EIF4G3: variants seen among roughly 807,000 people sequenced by gnomAD.
EIF4G3 encodes the protein eukaryotic translation initiation factor 4 gamma 3.
Under a neutral mutation model 186.4 loss-of-function variants are expected in EIF4G3, and 34 were observed. The ratio of observed to expected loss-of-function variants is 0.18; its 90% CI spans 0.14 to 0.24. The LOEUF (loss-of-function observed/expected upper bound fraction) is 0.24. Among genes scored for constraint, EIF4G3 ranks in the 10% least tolerant of loss-of-function variants. EIF4G3 has a pLI of 1.00. For missense variants in EIF4G3, 1,536 were observed against 1,948.5 expected, an observed-to-expected ratio of 0.79 and a Z score of 3.99; for synonymous variants, 673 against 679.5, an observed-to-expected ratio of 0.99 and a Z score of 0.15.
intron 14 of EIF4G3, among the ~76,000 whole-genome samples, chr1:20,916,986 T>C (rs1026789677): frequency 1.3e-5 from 2 of 152,196 alleles, no homozygotes; most frequent in Non-Finnish European, 2.9e-5. Context: ...ATTTCATCTA[T>C]ACATATTCAC....
intron 12 of EIF4G3, among the ~76,000 whole-genome samples, chr1:20,950,313 G>A (rs2096151541): frequency 6.6e-6 from 1 of 152,064 alleles, no homozygotes; most frequent in Admixed American, 6.5e-5. Context: ...AGAGGCAGCA[G>A]AAAAAGAGGA....
chr1:20,918,656 C>T (rs1172843858), intron 14 of EIF4G3, among the ~76,000 whole-genome samples: 1 of 145,914 alleles, frequency 6.9e-6, no homozygotes, highest in East Asian at 2.0e-4. Context: ...TACGTTTTTG[C>T]TATTTTTCTT....
chr1:21,070,315 A>G (rs542778009), intron 3 of EIF4G3, among the ~76,000 whole-genome samples: 1 of 152,326 alleles, frequency 6.6e-6, no homozygotes, highest in South Asian at 2.1e-4. Context: ...AAGAAAAAGT[A>G]GTGCCCTCTT....
At chr1:21,030,271 A>G (rs1369428311) in intron 4 of EIF4G3, among the ~76,000 whole-genome samples, 1 of 152,222 alleles carries the variant, frequency 6.6e-6, no homozygotes, top group African/African-American at 2.4e-5. Context: ...GTAAGCTCCC[A>G]TAATTCCCAT....
At chr1:21,072,583 T>C (rs2095476660) in intron 3 of EIF4G3, among the ~76,000 whole-genome samples, 1 of 151,992 alleles carries the variant, frequency 6.6e-6, no homozygotes. Context: ...GTTTGTATTT[T>C]AGTAGAGACG....
At chr1:20,911,843 T>C (rs969375994) in intron 14 of EIF4G3, among the ~76,000 whole-genome samples, 10 of 152,050 alleles carry the variant, frequency 6.6e-5, no homozygotes, top group Admixed American at 6.6e-4. Flanking sequence ...TTCTTAGATC[T>C]TTAGCTAAAG....
At chr1:21,131,623 G>T (rs2097156469) in intron 2 of EIF4G3, among the ~76,000 whole-genome samples, 1 of 152,112 alleles carries the variant, frequency 6.6e-6, no homozygotes, top group African/African-American at 2.4e-5. Context: ...AAGTAAACAG[G>T]TAAGAATTAC....
intron 25 of EIF4G3, among the ~76,000 whole-genome samples, chr1:20,857,141 C>CT (rs2075158024): frequency 1.0e-5 from 1 of 98,976 alleles, no homozygotes; most frequent in Admixed American, 1.7e-4. Flanking sequence ...CCAGCCTGGG[C>CT]GACAGAGTGA....
chr1:20,817,575 T>C, intron 33 of EIF4G3, 37 bp from the exon 34 acceptor site: 1 of 1,356,490 alleles, frequency 7.4e-7, no homozygotes, highest in South Asian at 1.7e-5. Context: ...AATATATTAA[T>C]ATAATTCTAT....
At chr1:20,973,832 C>T (rs939791382) in intron 10 of EIF4G3, among the ~76,000 whole-genome samples, 4 of 152,116 alleles carry the variant, frequency 2.6e-5, no homozygotes, top group Admixed American at 2.6e-4. Flanking sequence ...CTTGTACTCC[C>T]AATGAGCTGT....
chr1:20,903,985 A>C (rs2091303614), intron 15 of EIF4G3, among the ~76,000 whole-genome samples: 1 of 152,226 alleles, frequency 6.6e-6, no homozygotes, highest in African/African-American at 2.4e-5. Context: ...GCTTCAATAC[A>C]TAATGCTAAG....
At chr1:20,952,745 G>A (rs981872699) in intron 12 of EIF4G3, among the ~76,000 whole-genome samples, 11 of 152,134 alleles carry the variant, frequency 7.2e-5, no homozygotes, top group Non-Finnish European at 1.5e-4. Context: ...AGCTATTCGG[G>A]AGGCTGAGGC....
chr1:20,829,105 AG>A, intron 31 of EIF4G3, 41 bp downstream of exon 31: 1 of 1,596,830 alleles, frequency 6.3e-7, no homozygotes, highest in African/African-American at 1.3e-5. Context: ...GTTATTAGTC[AG>A]TTCTACCTGA....
Position 20,855,051 on chromosome 1 carries a change from A to T in EIF4G3, c.3360T>A (p.Ile1120=). ...CTAGCTGTGCTTTAGGTACCAGCTG[A>T]ATTTTTTCATCAATTGTAGGCTGTA... ...KITKPTIDEK[I]QLVPKAQLGS... is the part of the protein sequence containing the mutation. Residue 1120 remains isoleucine, a synonymous_variant, in exon 26 of 37, where the codon ATT becomes ATA. Coordinates refer to ENST00000602326, the MANE Select transcript of EIF4G3 (RefSeq NM_001391906.1). 1 of 1,612,540 alleles carries T rather than the reference A, an allele frequency of 6.2e-7. No individual in the cohort carries two copies. Among genetic ancestry groups the T allele is most frequent in the African/African-American group, 1.3e-5 (1 of 74,950 alleles).
rs754941442 is a variant in EIF4G3, at chr1:20,827,712, G to C, written c.4188-14C>G. The C allele has an allele frequency of 8.9e-6, 14 of 1,565,890 alleles. No homozygotes were observed. The highest frequency in any genetic ancestry group is 7.9e-6 in the Non-Finnish European group (9 of 1,137,432). ...TTGCTAAATTCTCTGTAAAAGATAG[G>C]AGCAGTGATTAAGTATCTCTAAAGA... On this transcript the variant is annotated splice_polypyrimidine_tract_variant and intron_variant, in intron 31 of 36. Coordinates refer to ENST00000602326, the MANE Select transcript of EIF4G3 (RefSeq NM_001391906.1).
chr1:21,148,485 G>A (rs567189948), intron 2 of EIF4G3, among the ~76,000 whole-genome samples: 4 of 152,086 alleles, frequency 2.6e-5, no homozygotes, highest in Non-Finnish European at 4.4e-5. Context: ...GGCGGATCAC[G>A]AGGTCAGGAG....
chr1:20,995,303 C>T (rs2082050320), intron 7 of EIF4G3, among the ~76,000 whole-genome samples: 1 of 152,138 alleles, frequency 6.6e-6, no homozygotes, highest in Non-Finnish European at 1.5e-5. Flanking sequence ...ATTTTTTGAT[C>T]AACAGTCTTT....
chr1:20,874,011 G>T (rs1171489611), intron 20 of EIF4G3, among the ~76,000 whole-genome samples: 3 of 152,100 alleles, frequency 2.0e-5, no homozygotes, highest in African/African-American at 4.8e-5. Context: ...CCCTGAAAAG[G>T]ACATGATCTC....
chr1:20,957,903 T>G (rs2096476089), intron 12 of EIF4G3, among the ~76,000 whole-genome samples: 1 of 152,012 alleles, frequency 6.6e-6, no homozygotes, highest in Non-Finnish European at 1.5e-5. Context: ...AATCAGTAAT[T>G]TTAAAATTTC....
Sources: allele counts gnomAD v4.1 joint callset (sites outside exome capture counted in the v4.1 genomes callset), GRCh38; gene constraint gnomAD v4.1.1; transcripts MANE v1.5; gene names NCBI Gene and HGNC (gene_info 2026-07-23, HGNC 2026-07-21).